The following NHLRC2 variants were observed in gnomAD, a reference collection of about 807,000 sequenced individuals.
NHLRC2 encodes NHL repeat-containing protein 2.
In NHLRC2, 33 loss-of-function variants were observed where a neutral mutation model predicts 68.1. That is an observed-to-expected ratio of 0.48 (90% CI 0.37 to 0.65). The LOEUF is 0.65. Among genes scored for constraint, NHLRC2 ranks in the 30% least tolerant of loss-of-function variants. The pLI is 0.00. For synonymous variants in NHLRC2, 311 were observed against 309.6 expected (o/e 1.00, Z -0.05); for missense variants, 761 against 853.8 (o/e 0.89, Z 1.35).
rs533470325 is a variant in NHLRC2 at position 113,916,591 on chromosome 10, T to G, written c.*8055T>G. ...TTGCATTGAGAGACAATTAGAAATG[T>G]TGTAATTGTCATATCTTTACATGTG... is the stretch of plus-strand genomic sequence containing the variant. On this transcript the variant is annotated 3_prime_UTR_variant, in exon 11 of 11. Coordinates refer to ENST00000369301, the MANE Select transcript of NHLRC2 (RefSeq NM_198514.4). 3.3e-5 allele frequency: 5 copies of G among 152,316 alleles called. No individual in the cohort carries two copies. Among genetic ancestry groups the G allele is most frequent in the African/African-American group, 1.2e-4 (5 of 41,566 alleles). The allele number at this position is 152,316 out of a possible 1,614,324, so 9.4% of individuals were successfully genotyped here.
At position 113,867,251 on chromosome 10, in the gene NHLRC2, G is replaced by T. The variant is rs200397279; in HGVS notation, c.331+8571G>T. ...AATCTTGTTTGCACACCTTTTAAAGGATAGCAGTCAGGGCTACTATGTTAA... is the reference window on the plus strand; with the variant it reads ...AATCTTGTTTGCACACCTTTTAAAGTATAGCAGTCAGGGCTACTATGTTAA... On this transcript the variant is annotated intron_variant, in intron 2 of 10. Coordinates refer to ENST00000369301, the MANE Select transcript of NHLRC2 (RefSeq NM_198514.4). Among the ~76,000 whole-genome samples, 5 of 152,290 alleles carry T rather than the reference G, an allele frequency of 3.3e-5. No individual in the cohort carries two copies. In the East Asian group the frequency reaches 7.7e-4, roughly 24 times the overall value.
chr10:113,867,543 C>A (rs1845879946), intron 2 of NHLRC2, among the ~76,000 whole-genome samples: 1 of 152,212 alleles, frequency 6.6e-6, no homozygotes, highest in Non-Finnish European at 1.5e-5. Context: ...TCTCCAGCAT[C>A]TTTTCCACAC....
In NHLRC2 at chr10:113,911,087, T is replaced by C. The variant is rs900953488; in HGVS notation, c.*2551T>C. 1 of 152,196 alleles carries C rather than the reference T, an allele frequency of 6.6e-6. No individual in the cohort carries two copies. The highest frequency in any genetic ancestry group is 1.5e-5 in the Non-Finnish European group (1 of 67,994). 9.4% of individuals were successfully genotyped at this position (152,196 alleles called of 1,614,324 possible). A position where few individuals can be genotyped will look rare whatever the true frequency, so the allele number is the denominator to read the frequency against. ...GCTTTTCTTGTTGGATAAATTATTA[T>C]GTCCAGTGATAGTTTAAAAAGAACA... On this transcript the variant is annotated 3_prime_UTR_variant, in exon 11 of 11. Transcript: ENST00000369301.
At chr10:113,882,317 C>T (rs1187848020) in intron 4 of NHLRC2, among the ~76,000 whole-genome samples, 4 of 151,694 alleles carry the variant, frequency 2.6e-5, no homozygotes, top group Non-Finnish European at 5.9e-5. Flanking sequence ...CCTTCCCACT[C>T]GAAATATATG....
chr10:113,896,302 G>A (rs1163149659), intron 5 of NHLRC2, among the ~76,000 whole-genome samples: 1 of 152,032 alleles, frequency 6.6e-6, no homozygotes, highest in African/African-American at 2.4e-5. Context: ...TTAAGAAAAT[G>A]TGGCACATAT....
rs1015566009 is a variant in NHLRC2 at position 113,854,698 on chromosome 10, C to T, written c.-175C>T. The stretch of plus-strand genomic sequence containing the variant: ...TCCCCGGGAACTGCGCCGATTTGGA[C>T]TTTTGGCACTTGGACCTATGCTTTA... On this transcript the variant is annotated 5_prime_UTR_variant, in exon 1 of 11. Transcript: ENST00000369301. 181 of 580,114 alleles carry T rather than the reference C, an allele frequency of 3.1e-4. 4 individuals carry two copies. The South Asian group carries it at 3.9e-3, about 12-fold the overall frequency. 35.9% of individuals were successfully genotyped at this position (580,114 alleles called of 1,614,324 possible).
intron 2 of NHLRC2, among the ~76,000 whole-genome samples, chr10:113,870,620 C>T (rs999760317): frequency 6.6e-6 from 1 of 152,136 alleles, no homozygotes; most frequent in African/African-American, 2.4e-5. Flanking sequence ...ATGCTTTTGT[C>T]TTGCTGGTGG....
intron 2 of NHLRC2, among the ~76,000 whole-genome samples, chr10:113,864,688 T>G (rs1318898624): frequency 4.6e-5 from 4 of 87,174 alleles, no homozygotes; most frequent in Non-Finnish European, 8.3e-5. Context: ...AGAGCAAGAC[T>G]CCGTCTAAAA....
rs1454984179 is a variant in NHLRC2 at position 113,911,710 on chromosome 10, G to T, written c.*3174G>T. 6.6e-6 allele frequency: 1 copy of T among 152,088 alleles called. No individual in the cohort carries two copies. The highest frequency in any genetic ancestry group is 6.5e-5 in the Admixed American group (1 of 15,278). The allele number at this position is 152,088 out of a possible 1,614,324, so 9.4% of individuals were successfully genotyped here. A position where few individuals can be genotyped will look rare whatever the true frequency, so the allele number is the denominator to read the frequency against. ...GTTTACTATTAATTTATGTCTACCA[G>T]TTAAAAATACGATAGTTAGATTTGG... On this transcript the variant is annotated 3_prime_UTR_variant, in exon 11 of 11. Coordinates refer to ENST00000369301, the MANE Select transcript of NHLRC2 (RefSeq NM_198514.4).
intron 2 of NHLRC2, among the ~76,000 whole-genome samples, chr10:113,870,829 C>T (rs946491059): frequency 6.6e-6 from 1 of 152,024 alleles, no homozygotes; most frequent in Non-Finnish European, 1.5e-5. Context: ...TTTTACCAAT[C>T]TAATAGATAG....
Position 113,858,599 on chromosome 10 carries a change from G to C in NHLRC2, c.250G>C (p.Asp84His). The C allele has an allele frequency of 6.2e-7, 1 of 1,610,386 alleles. No homozygotes were observed. The highest frequency in any genetic ancestry group is 8.5e-7 in the Non-Finnish European group (1 of 1,176,682). ...KDLCGKIVVLDFFTYCCINCI... is the reference protein window; with the variant it reads ...KDLCGKIVVLHFFTYCCINCI... ...TCTATGTGGAAAAATAGTCGTCCTT[G>C]ATTTCTTCACCTACTGCTGCATAAA... The change falls in exon 2 of 11, where the codon GAT becomes CAT. Residue 84 changes from aspartate (D) to histidine (H), a missense_variant. Transcript: ENST00000369301.
intron 3 of NHLRC2, 122 bp from the exon 4 acceptor site, chr10:113,879,448 TTTAG>T: frequency 2.5e-6 from 2 of 784,578 alleles, no homozygotes; most frequent in African/African-American, 1.8e-5. Context: ...TGGGGAACAT[TTTAG>T]TTTTTAGATG....
chr10:113,891,177 C>G (rs1016071596), intron 5 of NHLRC2, among the ~76,000 whole-genome samples: 5 of 152,132 alleles, frequency 3.3e-5, no homozygotes, highest in Non-Finnish European at 5.9e-5. Context: ...TAATATTATG[C>G]CTTTTTAATA....
In NHLRC2 at chr10:113,913,479, G is replaced by C. The variant is rs1846348173; in HGVS notation, c.*4943G>C. 6.6e-6 allele frequency: 1 copy of C among 151,774 alleles called. No homozygotes were observed. The highest frequency in any genetic ancestry group is 1.5e-5 in the Non-Finnish European group (1 of 67,982). The allele number at this position is 151,774 out of a possible 1,614,324, so 9.4% of individuals were successfully genotyped here. A position where few individuals can be genotyped will look rare whatever the true frequency, so the allele number is the denominator to read the frequency against. ...TCAGATATTATCCAGAGTTTTTCTTGGCAGATGGATGTATTAAAAAAATAG... is the reference window on the plus strand; with the variant it reads ...TCAGATATTATCCAGAGTTTTTCTTCGCAGATGGATGTATTAAAAAAATAG... On this transcript the variant is annotated 3_prime_UTR_variant, in exon 11 of 11. Transcript: ENST00000369301.
chr10:113,884,340 A>G lies in NHLRC2; in HGVS notation c.999A>G (p.Gln333=). The change falls in exon 5 of 11, where the codon CAA becomes CAG. Residue 333 remains glutamine (Q), a synonymous_variant. Coordinates refer to ENST00000369301, the MANE Select transcript of NHLRC2 (RefSeq NM_198514.4). ...DKEGGAKGEQ[Q]PISSPWDVVF... is the part of the protein sequence containing the mutation. ...AAGGTGGAGCAAAAGGAGAACAACA[A>G]CCCATTAGTTCCCCTTGGGATGTAG... The G allele has an allele frequency of 1.2e-6, 2 of 1,610,356 alleles. No homozygotes were observed. The highest frequency in any genetic ancestry group is 1.7e-6 in the Non-Finnish European group (2 of 1,177,226).
intron 5 of NHLRC2, among the ~76,000 whole-genome samples, chr10:113,886,759 G>A (rs1296379170): frequency 6.6e-6 from 1 of 152,118 alleles, no homozygotes. Context: ...GGCCTGAAAT[G>A]GTAAAGCTAC....
chr10:113,854,913 T>G lies in NHLRC2; in HGVS notation c.41T>G (p.Leu14Arg), dbSNP rs1845729152. The change falls in exon 1 of 11, where the codon CTG becomes CGG. Residue 14 changes from leucine (L) to arginine (R), a missense_variant. Leu to Arg is a moderately radical substitution (Grantham distance 102). Coordinates refer to ENST00000369301, the MANE Select transcript of NHLRC2 (RefSeq NM_198514.4). The part of the protein sequence containing the change: ...PGGRGRSLSG[L>R]LPAQTSLEYA... Reference sequence around the variant, plus strand: ...GGCCGGGGCCGCAGCCTCTCCGGCCTGCTCCCCGCGCAGACCTCGCTAGAG... The same window carrying G: ...GGCCGGGGCCGCAGCCTCTCCGGCCGGCTCCCCGCGCAGACCTCGCTAGAG... The G allele has an allele frequency of 3.2e-6, 5 of 1,552,654 alleles. No individual in the cohort carries two copies. Among genetic ancestry groups the G allele is most frequent in the African/African-American group, 1.4e-5 (1 of 73,134 alleles).
In NHLRC2 at chr10:113,899,877, C is replaced by A. The variant is rs568103597; in HGVS notation, c.1139+1668C>A. 1.4e-4 allele frequency among the ~76,000 whole-genome samples: 21 copies of A among 152,058 alleles called. No homozygotes were observed. In the South Asian group the frequency reaches 2.1e-3, roughly 15 times the overall value. ...AAGGTTGCAGTGAGCTGAGATTGTG[C>A]CACTGCACTCCAGCCAGGACGACAG... is the stretch of plus-strand genomic sequence containing the variant. On this transcript the variant is annotated intron_variant, in intron 6 of 10. Transcript: ENST00000369301.
intron 5 of NHLRC2, among the ~76,000 whole-genome samples, chr10:113,893,153 T>C (rs1846147273): frequency 6.6e-6 from 1 of 152,154 alleles, no homozygotes; most frequent in African/African-American, 2.4e-5. Context: ...TAAACCTCAC[T>C]ATGCATCCCG....
Sources: allele counts gnomAD v4.1 joint callset (sites outside exome capture counted in the v4.1 genomes callset), GRCh38; gene constraint gnomAD v4.1.1; transcripts MANE v1.5; gene names NCBI Gene and HGNC (gene_info 2026-07-23, HGNC 2026-07-21).